C7: variants seen among roughly 807,000 people sequenced by gnomAD.
C7 encodes complement C7.
In C7, 83 loss-of-function variants were observed where a neutral mutation model predicts 104.8. The ratio of observed to expected loss-of-function variants is 0.79; its 90% CI spans 0.66 to 0.95. The LOEUF (loss-of-function observed/expected upper bound fraction) is 0.95, where lower values mean the gene tolerates loss of function less well. C7 is among the 40% of genes least tolerant of loss of function. C7 has a pLI of 0.00. For synonymous variants in C7, 415 were observed against 360.6 expected (o/e 1.15, Z -1.71); for missense variants, 1,070 against 1,011.2 (o/e 1.06, Z -0.79).
rs776245755 is a variant in C7 at position 40,931,074 on chromosome 5, C to A, written c.73C>A (p.Pro25Thr). 6.2e-6 allele frequency: 10 copies of A among 1,611,182 alleles called. No homozygotes were observed. Among genetic ancestry groups the A allele is most frequent in the African/African-American group, 1.3e-5 (1 of 74,868 alleles). ...TTGACACTGTGGCAGTGCCTCCTCT[C>A]CAGTCAACTGCCAGTGGGACTTCTA... ...EFQSFSSASSPVNCQWDFYAP... is the reference protein window; with the variant it reads ...EFQSFSSASSTVNCQWDFYAP... Residue 25 changes from proline to threonine, a missense_variant, in exon 3 of 18, where the codon CCA (proline) becomes ACA (threonine). Coordinates refer to ENST00000313164, the MANE Select transcript of C7 (RefSeq NM_000587.4).
intron 5 of C7, 28 bp from the exon 6 acceptor site, chr5:40,937,524 C>T: frequency 3.2e-6 from 5 of 1,545,636 alleles, no homozygotes; most frequent in African/African-American, 1.4e-5. Context: ...TTTTTATTTC[C>T]TCCTTCTCCT....
chr5:40,969,978 G>C (rs2167230), intron 14 of C7, among the ~76,000 whole-genome samples: 118,216 of 151,576 alleles, frequency 0.78, 46,158 homozygotes, highest in South Asian at 0.93. Flanking sequence ...GATTTAATGT[G>C]AAAACAGCAA....
rs62357089 is a variant in C7 at position 40,983,806 on chromosome 5, A to T, written c.*2233A>T. On this transcript the variant is annotated 3_prime_UTR_variant, in exon 18 of 18. Transcript: ENST00000313164. Reference sequence around the variant, plus strand: ...ACAAAAATAAATGGAAAAAGAATAAAGACTGTGAGAATTCCATCTTCCTGC... The same window carrying T: ...ACAAAAATAAATGGAAAAAGAATAATGACTGTGAGAATTCCATCTTCCTGC... 1.3e-5 allele frequency among the ~76,000 whole-genome samples: 2 copies of T among 151,862 alleles called. No individual in the cohort carries two copies. The highest frequency in any genetic ancestry group is 1.5e-5 in the Non-Finnish European group (1 of 67,922).
At chr5:40,953,263 T>A (rs1740215553) in intron 9 of C7, among the ~76,000 whole-genome samples, 1 of 152,102 alleles carries the variant, frequency 6.6e-6, no homozygotes, top group Non-Finnish European at 1.5e-5. Flanking sequence ...GGAGATAGAA[T>A]AGAATGATAA....
intron 13 of C7, among the ~76,000 whole-genome samples, chr5:40,962,875 T>C (rs1458052499): frequency 6.6e-6 from 1 of 152,182 alleles, no homozygotes. Context: ...ATTTTGCTTT[T>C]CAAACCCCAG....
chr5:40,958,496 T>A (rs1740349173), intron 11 of C7, among the ~76,000 whole-genome samples: 1 of 152,226 alleles, frequency 6.6e-6, no homozygotes, highest in Non-Finnish European at 1.5e-5. Flanking sequence ...CTTCCCATTC[T>A]CTATTAGAAT....
intron 1 of C7, among the ~76,000 whole-genome samples, chr5:40,925,186 T>C (rs1301752715): frequency 6.6e-6 from 1 of 152,174 alleles, no homozygotes; most frequent in Non-Finnish European, 1.5e-5. Flanking sequence ...AATCTGAGTG[T>C]AGGCTGTTAG....
In C7 at chr5:40,909,717, G is replaced by C. The variant is rs117513464; in HGVS notation, c.6+101G>C. The C allele has an allele frequency of 1.4e-3, 1,007 of 736,660 alleles. 29 individuals are homozygous for C. In the East Asian group the frequency reaches 0.027, roughly 20 times the overall value. The allele number at this position is 736,660 out of a possible 1,614,324, so 45.6% of individuals were successfully genotyped here. ...AAACGAAGAGGTGTAATACCTAACT[G>C]AAAGACATCAAATAAATAGAAGGCC... is the stretch of plus-strand genomic sequence containing the variant. On this transcript the variant is annotated intron_variant, in intron 1 of 17. Coordinates refer to ENST00000313164, the MANE Select transcript of C7 (RefSeq NM_000587.4).
At chr5:40,953,311 G>A (rs935911680) in intron 9 of C7, among the ~76,000 whole-genome samples, 2 of 152,038 alleles carry the variant, frequency 1.3e-5, no homozygotes, top group African/African-American at 4.8e-5. Flanking sequence ...TCAATGAAGA[G>A]AGATTGCTTA....
intron 1 of C7, among the ~76,000 whole-genome samples, chr5:40,925,875 T>C (rs552635704): frequency 1.3e-5 from 2 of 152,144 alleles, no homozygotes; most frequent in Non-Finnish European, 2.9e-5. Flanking sequence ...TTCCAAAAAA[T>C]TGAAAAGGAG....
chr5:40,963,174 G>T (rs1052313027), intron 13 of C7, among the ~76,000 whole-genome samples: 1 of 152,168 alleles, frequency 6.6e-6, no homozygotes, highest in Non-Finnish European at 1.5e-5. Flanking sequence ...TGTTTTAGGA[G>T]CCAGGAGTCC....
chr5:40,949,576 CTACTTTTAT>C (rs1406677512), intron 8 of C7, among the ~76,000 whole-genome samples: 1 of 152,128 alleles, frequency 6.6e-6, no homozygotes, highest in Non-Finnish European at 1.5e-5. Context: ...TGTCATGCTC[CTACTTTTAT>C]TGATTTATCT....
chr5:40,953,570 G>C (rs1740222792), intron 9 of C7, among the ~76,000 whole-genome samples: 1 of 145,052 alleles, frequency 6.9e-6, no homozygotes, highest in Admixed American at 7.3e-5. Flanking sequence ...GAACCTGAGA[G>C]GCAGAGGTTG....
At chr5:40,913,572 G>T (rs966783465) in intron 1 of C7, among the ~76,000 whole-genome samples, 1 of 152,100 alleles carries the variant, frequency 6.6e-6, no homozygotes, top group Non-Finnish European at 1.5e-5. Flanking sequence ...ATAGCTCACT[G>T]CACCTTTGAA....
At chr5:40,961,275 T>G (rs1740413617) in intron 12 of C7, among the ~76,000 whole-genome samples, 2 of 152,240 alleles carry the variant, frequency 1.3e-5, no homozygotes, top group South Asian at 4.1e-4. Context: ...ATTGAGATAA[T>G]GCATATATGC....
chr5:40,971,991 T>C, intron 14 of C7: 1 of 435,572 alleles, frequency 2.3e-6, no homozygotes, highest in South Asian at 1.7e-5. Context: ...ATAAAAGTGG[T>C]GTTTTAATAA....
rs540431706 is a variant in C7, at chr5:40,979,906, G to C, written c.2347G>C (p.Asp783His). 6 of 1,585,814 alleles carry C rather than the reference G, an allele frequency of 3.8e-6. No homozygotes were observed. The highest frequency in any genetic ancestry group is 3.4e-6 in the Non-Finnish European group (4 of 1,162,796). The change falls in exon 17 of 18, where the codon GAT (aspartate) becomes CAT (histidine). Residue 783 changes from aspartate to histidine, a missense_variant. Coordinates refer to ENST00000313164, the MANE Select transcript of C7 (RefSeq NM_000587.4). ...CGACPLWGKC[D>H]AESSKCVCRE... ...TGCCTGCCCACTGTGGGGAAAATGT[G>C]ATGGTAAGGGGCCTTTCATATTTGT...
rs545063890 is a variant in C7 at position 40,979,768 on chromosome 5, A to T, written c.2209A>T (p.Ile737Leu). 2 of 1,613,742 alleles carry T rather than the reference A, an allele frequency of 1.2e-6. No homozygotes were observed. The highest frequency in any genetic ancestry group is 1.7e-5 in the Admixed American group (1 of 60,022). Residue 737 changes from isoleucine to leucine, a missense_variant, in exon 17 of 18, where the codon ATA becomes TTA. By Grantham distance (5) the Ile-to-Leu change is conservative. Coordinates refer to ENST00000313164, the MANE Select transcript of C7 (RefSeq NM_000587.4). ...VCAQDERSKR[I>L]LPLTVCKMHV... ...TGCTCAAGATGAGAGAAGCAAAAGG[A>T]TACTGCCTCTGACAGTTTGCAAGAT...
At chr5:40,947,515 G>A (rs927066903) in intron 7 of C7, 87 bp from the exon 8 acceptor site, 37 of 1,411,184 alleles carry the variant, frequency 2.6e-5, no homozygotes, top group African/African-American at 5.7e-5. Context: ...GGAGATGAGA[G>A]CTGATGAAGG....
Sources: allele counts gnomAD v4.1 joint callset (sites outside exome capture counted in the v4.1 genomes callset), GRCh38; gene constraint gnomAD v4.1.1; transcripts MANE v1.5; gene names NCBI Gene and HGNC (gene_info 2026-07-23, HGNC 2026-07-21).